Variants in DNM3 observed in about 807,000 individuals in gnomAD.
DNM3 encodes the protein dynamin-3.
In DNM3, 47 loss-of-function variants were observed where a neutral mutation model predicts 101.6. That is an observed-to-expected ratio of 0.46 (90% CI 0.37 to 0.59). DNM3 has a LOEUF of 0.59. DNM3 is among the 20% of genes least tolerant of loss of function. The pLI, the probability that DNM3 is intolerant of heterozygous loss-of-function variation, is 0.00. For synonymous variants in DNM3, 385 were observed against 387.9 expected (o/e 0.99, Z 0.09); for missense variants, 849 against 1,085.7 (o/e 0.78, Z 3.06).
At chr1:172,033,075 C>T in intron 5 of DNM3, 30 bp from the exon 6 acceptor site, 1 of 1,603,962 alleles carries the variant, frequency 6.2e-7, no homozygotes, top group East Asian at 2.2e-5. Flanking sequence ...AAAAGTGTCC[C>T]CAACTCCATA....
rs1022789841 is a variant in DNM3, at chr1:172,042,102, C to A, written c.1086C>A (p.Ile362=). ...DTLELSGGAK[I]NRIFHERFPF... The stretch of plus-strand genomic sequence containing the variant: ...TGGAACTCTCAGGTGGTGCTAAAAT[C>A]AATCGTATTTTTCATGAACGCTTTC... Residue 362 remains isoleucine (I), a synonymous_variant, in exon 8 of 21, where the codon ATC becomes ATA. Coordinates refer to ENST00000627582, the MANE Select transcript of DNM3 (RefSeq NM_015569.5). The A allele has an allele frequency of 3.1e-6, 5 of 1,609,930 alleles. No individual in the cohort carries two copies. Among genetic ancestry groups the A allele is most frequent in the Non-Finnish European group, 3.4e-6 (4 of 1,178,800 alleles).
chr1:172,297,279 T>G (rs1304370291), intron 15 of DNM3, among the ~76,000 whole-genome samples: 1 of 152,194 alleles, frequency 6.6e-6, no homozygotes, highest in Non-Finnish European at 1.5e-5. Context: ...TATTCTAGAT[T>G]CTTAATTTTT....
In DNM3 at chr1:172,387,176, C is replaced by T. The variant is rs769443821; in HGVS notation, c.2102C>T (p.Ser701Phe). ...TCCGAGCTCCTAGCACAGTTGTATT[C>T]TTCAGAGGACCAAAATACCCTGATG... ...INSELLAQLY[S>F]SEDQNTLMEE... Residue 701 changes from serine (S) to phenylalanine (F), a missense_variant, in exon 19 of 21, where the codon TCT (serine) becomes TTT (phenylalanine). By Grantham distance (155) the Ser-to-Phe change is radical. Around this residue, in one of 5 missense-constraint regions of DNM3, gnomAD observed 256 missense variants for 311.7 expected, o/e 0.82. Transcript: ENST00000627582. The T allele has an allele frequency of 6.2e-7, 1 of 1,613,964 alleles. No homozygotes were observed. The highest frequency in any genetic ancestry group is 1.1e-5 in the South Asian group (1 of 91,082).
At chr1:172,025,615 C>T (rs907364988) in intron 4 of DNM3, among the ~76,000 whole-genome samples, 2 of 152,210 alleles carry the variant, frequency 1.3e-5, no homozygotes, top group African/African-American at 4.8e-5. Flanking sequence ...GAACAGACAG[C>T]AGTCTTTGCT....
chr1:172,212,273 GT>G (rs1381701339), intron 14 of DNM3, among the ~76,000 whole-genome samples: 1 of 152,118 alleles, frequency 6.6e-6, no homozygotes, highest in African/African-American at 2.4e-5. Flanking sequence ...AAGCTGGAAA[GT>G]TGCTCAGTCC....
At chr1:171,875,813 C>CTTT (rs60523795) in intron 1 of DNM3, among the ~76,000 whole-genome samples, 21 of 104,674 alleles carry the variant, frequency 2.0e-4, no homozygotes, top group Admixed American at 4.1e-4. Flanking sequence ...AGTTGTCTCT[C>CTTT]TTTTTTTTTT....
chr1:172,124,355 C>G (rs900671722), intron 13 of DNM3, among the ~76,000 whole-genome samples: 8 of 152,212 alleles, frequency 5.3e-5, no homozygotes, highest in African/African-American at 1.9e-4. Flanking sequence ...ACACTTGAAA[C>G]ATGGCCGTCT....
At chr1:171,945,117 G>A (rs1480726199) in intron 2 of DNM3, among the ~76,000 whole-genome samples, 2 of 151,862 alleles carry the variant, frequency 1.3e-5, no homozygotes. Context: ...TAATCCTACT[G>A]CTTTAGCCTC....
intron 17 of DNM3, among the ~76,000 whole-genome samples, chr1:172,360,689 T>TA (rs1204969746): frequency 6.6e-6 from 1 of 152,022 alleles, no homozygotes; most frequent in Non-Finnish European, 1.5e-5. Context: ...TGTTTGCCTT[T>TA]TAAAACTACA....
intron 14 of DNM3, among the ~76,000 whole-genome samples, chr1:172,198,999 C>T (rs2060055204): frequency 6.6e-6 from 1 of 151,718 alleles, no homozygotes. Context: ...GTTGTAAATT[C>T]AGGTTGTTAA....
chr1:172,257,186 A>G (rs1260780364), intron 15 of DNM3, among the ~76,000 whole-genome samples: 1 of 152,108 alleles, frequency 6.6e-6, no homozygotes, highest in African/African-American at 2.4e-5. Context: ...TCCAACATTC[A>G]GCAAGTATAT....
intron 16 of DNM3, among the ~76,000 whole-genome samples, chr1:172,318,772 T>G (rs2065532038): frequency 6.6e-6 from 1 of 152,186 alleles, no homozygotes; most frequent in South Asian, 2.1e-4. Context: ...TCCATGCTCA[T>G]GGGTGGGAAG....
chr1:172,307,353 G>A (rs9425544), intron 15 of DNM3, among the ~76,000 whole-genome samples: 12,767 of 152,132 alleles, frequency 0.084, 662 homozygotes, highest in African/African-American at 0.14. Flanking sequence ...TTAGAATGGC[G>A]ATCAATAAAG....
chr1:171,941,684 T>C (rs1020806394), intron 2 of DNM3, among the ~76,000 whole-genome samples: 1 of 152,218 alleles, frequency 6.6e-6, no homozygotes, highest in South Asian at 2.1e-4. Context: ...AAGCTTAATA[T>C]CCTTGTTCAT....
At chr1:172,199,738 G>A (rs980813851) in intron 14 of DNM3, among the ~76,000 whole-genome samples, 20 of 151,960 alleles carry the variant, frequency 1.3e-4, no homozygotes, top group African/African-American at 4.8e-4. Context: ...GCTTTTGCCT[G>A]TTTTCCATTT....
chr1:171,961,371 C>T (rs2043199936), intron 2 of DNM3, among the ~76,000 whole-genome samples: 2 of 152,096 alleles, frequency 1.3e-5, no homozygotes, highest in Non-Finnish European at 1.5e-5. Flanking sequence ...GTGTTTTTGA[C>T]AAGGTATGGC....
chr1:172,134,779 G>A (rs931899130), intron 14 of DNM3, among the ~76,000 whole-genome samples: 4 of 152,128 alleles, frequency 2.6e-5, no homozygotes, highest in Non-Finnish European at 5.9e-5. Context: ...AGAGGACACA[G>A]GTAGGGGGTA....
chr1:172,074,179 G>A (rs1203109239), intron 11 of DNM3, among the ~76,000 whole-genome samples: 3 of 152,094 alleles, frequency 2.0e-5, no homozygotes, highest in Non-Finnish European at 2.9e-5. Context: ...TGCCATGTTA[G>A]CTAGTGTTAG....
intron 11 of DNM3, among the ~76,000 whole-genome samples, chr1:172,076,489 C>T (rs576150580): frequency 6.8e-4 from 103 of 152,126 alleles, no homozygotes; most frequent in Non-Finnish European, 1.2e-3. Context: ...AGATACATTC[C>T]ATCAATACCT....
Sources: allele counts gnomAD v4.1 joint callset (sites outside exome capture counted in the v4.1 genomes callset), GRCh38; gene constraint gnomAD v4.1.1; regional missense constraint gnomAD v4.1.1; transcripts MANE v1.5; gene names NCBI Gene and HGNC (gene_info 2026-07-23, HGNC 2026-07-21).